The following MDGA2 variants were observed in gnomAD, a reference collection of about 807,000 sequenced individuals.
The protein encoded by MDGA2 is MAM domain containing glycosylphosphatidylinositol anchor 2.
Under a neutral mutation model 117.8 loss-of-function variants are expected in MDGA2, and 40 were observed. That is an observed-to-expected ratio of 0.34 (90% CI 0.26 to 0.44). The LOEUF (loss-of-function observed/expected upper bound fraction) is 0.44, where lower values mean the gene tolerates loss of function less well. MDGA2 is among the 20% of genes least tolerant of loss of function. The pLI is 1.00. For synonymous variants in MDGA2, 452 were observed against 439.0 expected, an observed-to-expected ratio of 1.03 and a Z score of -0.37; for missense variants, 1,123 against 1,250.6, an observed-to-expected ratio of 0.90 and a Z score of 1.54.
At chr14:47,612,472 A>G (rs1397466412) in intron 1 of MDGA2, among the ~76,000 whole-genome samples, 1 of 152,184 alleles carries the variant, frequency 6.6e-6, no homozygotes, top group Non-Finnish European at 1.5e-5. Context: ...AACTTGAGTC[A>G]TATAACTTTC....
intron 8 of MDGA2, among the ~76,000 whole-genome samples, chr14:46,984,642 T>C (rs1475034058): frequency 1.3e-5 from 2 of 152,024 alleles, no homozygotes; most frequent in Non-Finnish European, 2.9e-5. Context: ...AATGGATTTA[T>C]AGTACTACAG....
chr14:47,561,771 G>C (rs1895821641), intron 1 of MDGA2, among the ~76,000 whole-genome samples: 1 of 152,164 alleles, frequency 6.6e-6, no homozygotes, highest in African/African-American at 2.4e-5. Flanking sequence ...ATGTTGAACA[G>C]GAGTGGTGAG....
chr14:47,644,467 A>C (rs1897487869), intron 1 of MDGA2, among the ~76,000 whole-genome samples: 1 of 152,198 alleles, frequency 6.6e-6, no homozygotes, highest in South Asian at 2.1e-4. Flanking sequence ...ACAGAAAGAC[A>C]AATACCACAT....
At chr14:47,541,792 T>C (rs1463727670) in intron 1 of MDGA2, among the ~76,000 whole-genome samples, 1 of 152,204 alleles carries the variant, frequency 6.6e-6, no homozygotes, top group Non-Finnish European at 1.5e-5. Context: ...TTCTTAAGCC[T>C]TGCAATCACT....
At chr14:47,241,264 C>CT (rs1887029886) in intron 2 of MDGA2, among the ~76,000 whole-genome samples, 1 of 151,814 alleles carries the variant, frequency 6.6e-6, no homozygotes, top group Admixed American at 6.6e-5. Flanking sequence ...TAAGTCTGTG[C>CT]TTTATGGTTG....
intron 3 of MDGA2, among the ~76,000 whole-genome samples, chr14:47,178,940 T>G (rs1004099408): frequency 6.6e-6 from 1 of 152,042 alleles, no homozygotes; most frequent in Non-Finnish European, 1.5e-5. Context: ...CAAGGTATAT[T>G]CAGGAAACTG....
chr14:47,648,006 A>C (rs1486618152), intron 1 of MDGA2, among the ~76,000 whole-genome samples: 3 of 152,180 alleles, frequency 2.0e-5, no homozygotes, highest in Admixed American at 2.0e-4. Flanking sequence ...AATAATAAAT[A>C]AACAAATAAA....
intron 11 of MDGA2, among the ~76,000 whole-genome samples, chr14:46,880,115 G>T (rs1882385160): frequency 6.6e-6 from 1 of 151,984 alleles, no homozygotes; most frequent in South Asian, 2.1e-4. Context: ...ATCACCTGAG[G>T]TCAGAAGTTT....
intron 1 of MDGA2, among the ~76,000 whole-genome samples, chr14:47,653,204 A>C (rs1381560365): frequency 6.6e-6 from 1 of 152,072 alleles, no homozygotes; most frequent in Non-Finnish European, 1.5e-5. Flanking sequence ...AACACAAAAA[A>C]CTCAGGAAAT....
At chr14:47,338,815 T>C (rs1026253923) in intron 1 of MDGA2, among the ~76,000 whole-genome samples, 1 of 152,096 alleles carries the variant, frequency 6.6e-6, no homozygotes, top group African/African-American at 2.4e-5. Context: ...TCTGAAATAT[T>C]TGCAAGTATG....
At chr14:47,223,625 T>C (rs1176068792) in intron 2 of MDGA2, among the ~76,000 whole-genome samples, 1 of 152,166 alleles carries the variant, frequency 6.6e-6, no homozygotes, top group African/African-American at 2.4e-5. Context: ...TAAAATTTGA[T>C]AGTTACTTAA....
At chr14:47,554,486 A>G (rs1200330830) in intron 1 of MDGA2, among the ~76,000 whole-genome samples, 1 of 152,196 alleles carries the variant, frequency 6.6e-6, no homozygotes, top group Non-Finnish European at 1.5e-5. Flanking sequence ...TAAACAGCTT[A>G]GAAGTTGGTA....
chr14:47,295,526 T>C (rs1889034460), intron 2 of MDGA2, among the ~76,000 whole-genome samples: 1 of 138,224 alleles, frequency 7.2e-6, no homozygotes, highest in African/African-American at 2.5e-5. Flanking sequence ...TTCTAATTCA[T>C]AGGGTAGATA....
chr14:47,435,107 T>G (rs1892871840), intron 1 of MDGA2, among the ~76,000 whole-genome samples: 1 of 151,960 alleles, frequency 6.6e-6, no homozygotes. Context: ...CTGCACTACA[T>G]CCTGGGAGAC....
chr14:47,447,213 C>T (rs908000814), intron 1 of MDGA2, among the ~76,000 whole-genome samples: 2 of 152,110 alleles, frequency 1.3e-5, no homozygotes, highest in African/African-American at 2.4e-5. Flanking sequence ...AATACTTTCC[C>T]GCATACCCTA....
At chr14:47,288,060 G>A (rs905099088) in intron 2 of MDGA2, among the ~76,000 whole-genome samples, 5 of 152,118 alleles carry the variant, frequency 3.3e-5, no homozygotes, top group African/African-American at 4.8e-5. Flanking sequence ...AACGGAGAGG[G>A]AATACATTCC....
At chr14:47,169,309 T>C (rs973397105) in intron 3 of MDGA2, among the ~76,000 whole-genome samples, 1 of 151,914 alleles carries the variant, frequency 6.6e-6, no homozygotes, top group Non-Finnish European at 1.5e-5. Context: ...AAAATATTCA[T>C]AGATATTTCT....
chr14:47,659,582 G>C (rs1470771607), intron 1 of MDGA2, among the ~76,000 whole-genome samples: 1 of 151,978 alleles, frequency 6.6e-6, no homozygotes, highest in Admixed American at 6.6e-5. Flanking sequence ...ATTATTGTTG[G>C]TAAAATTAAA....
At chr14:46,889,271 T>C (rs2933223) in intron 10 of MDGA2, among the ~76,000 whole-genome samples, 61,240 of 151,856 alleles carry the variant, frequency 0.4, 13,629 homozygotes, top group East Asian at 0.64. Context: ...CAGCAAGAAT[T>C]CTTCTGAGTA....
Sources: gnomAD v4.1 joint callset for allele counts (sites outside exome capture counted in the v4.1 genomes callset) on GRCh38, gnomAD v4.1.1 for gene constraint, MANE v1.5 for transcripts, NCBI Gene and HGNC (gene_info 2026-07-23, HGNC 2026-07-21) for gene names.